ELAPOR2: variants seen among roughly 807,000 people sequenced by gnomAD.
ELAPOR2 encodes endosome-lysosome associated apoptosis and autophagy regulator family member 2.
Under a neutral mutation model 120.7 loss-of-function variants are expected in ELAPOR2, and 89 were observed. The observed-to-expected ratio is 0.74, with a 90% CI of 0.62 to 0.88. The LOEUF is 0.88. Ranked by LOEUF, ELAPOR2 falls within the 40% of genes least tolerant of loss-of-function variation. The pLI, the probability that ELAPOR2 is intolerant of heterozygous loss-of-function variation, is 0.00. For missense variants in ELAPOR2, 1,134 were observed against 1,251.6 expected (o/e 0.91, Z 1.42); for synonymous variants, 444 against 444.9 (o/e 1.00, Z 0.03).
intron 1 of ELAPOR2, among the ~76,000 whole-genome samples, chr7:87,018,684 C>T (rs1031104836): frequency 6.6e-6 from 1 of 152,164 alleles, no homozygotes; most frequent in Non-Finnish European, 1.5e-5. Flanking sequence ...AGAGAAACTA[C>T]ATGAATGAGT....
At chr7:86,926,264 C>T (rs1334462043) in intron 9 of ELAPOR2, among the ~76,000 whole-genome samples, 3 of 152,034 alleles carry the variant, frequency 2.0e-5, no homozygotes, top group African/African-American at 4.8e-5. Context: ...GTAGCCACTT[C>T]GCATCATCAC....
intron 1 of ELAPOR2, among the ~76,000 whole-genome samples, chr7:87,039,951 C>G (rs1415913447): frequency 2.0e-5 from 3 of 152,158 alleles, no homozygotes; most frequent in Non-Finnish European, 4.4e-5. Context: ...GGCATTGCCT[C>G]ACTCGGGAAG....
chr7:86,939,176 T>C (rs1003152404), intron 6 of ELAPOR2, among the ~76,000 whole-genome samples: 2 of 152,114 alleles, frequency 1.3e-5, no homozygotes, highest in Admixed American at 6.6e-5. Context: ...GAAGATTTCA[T>C]AGAGGTATAA....
chr7:87,035,829 AT>A, intron 1 of ELAPOR2, among the ~76,000 whole-genome samples: 1 of 152,352 alleles, frequency 6.6e-6, no homozygotes, highest in Non-Finnish European at 1.5e-5. Flanking sequence ...AACAGTCTAC[AT>A]TTAAATCAAT....
chr7:86,945,502 T>C (rs1406345283), intron 3 of ELAPOR2, among the ~76,000 whole-genome samples: 3 of 152,232 alleles, frequency 2.0e-5, no homozygotes, highest in Admixed American at 1.3e-4. Context: ...TCATGTGAAA[T>C]GAACTTGTCA....
intron 2 of ELAPOR2, among the ~76,000 whole-genome samples, chr7:86,962,206 A>G (rs1444524830): frequency 6.6e-6 from 1 of 152,126 alleles, no homozygotes; most frequent in Admixed American, 6.6e-5. Flanking sequence ...AAAATTTCCA[A>G]CTGCTTCATA....
At chr7:86,992,895 T>C (rs574136900) in intron 1 of ELAPOR2, among the ~76,000 whole-genome samples, 1 of 152,264 alleles carries the variant, frequency 6.6e-6, no homozygotes, top group South Asian at 2.1e-4. Flanking sequence ...TCCTCTATCA[T>C]CTTAAAAAAT....
intron 6 of ELAPOR2, 152 bp from the exon 7 acceptor site, chr7:86,939,112 G>A (rs868206704): frequency 1.3e-6 from 1 of 757,534 alleles, no homozygotes; most frequent in East Asian, 2.7e-5. Flanking sequence ...CACTAAGAAA[G>A]CATTTATTGT....
At chr7:87,034,267 A>G (rs4727138) in intron 1 of ELAPOR2, among the ~76,000 whole-genome samples, 65,860 of 151,766 alleles carry the variant, frequency 0.43, 16,880 homozygotes, top group African/African-American at 0.72. Context: ...GCGGCGGTTC[A>G]AGCTTACCAA....
chr7:86,983,614 T>A (rs1321774086), intron 1 of ELAPOR2, among the ~76,000 whole-genome samples: 1 of 152,038 alleles, frequency 6.6e-6, no homozygotes, highest in African/African-American at 2.4e-5. Context: ...AGAAATAAAA[T>A]CCTTTAAAGA....
intron 1 of ELAPOR2, among the ~76,000 whole-genome samples, chr7:86,996,447 A>C (rs922128981): frequency 1.3e-5 from 2 of 152,250 alleles, no homozygotes; most frequent in East Asian, 3.8e-4. Flanking sequence ...TTTGAGGAAC[A>C]AAATGGCAGC....
At chr7:86,922,413 A>C (rs1789872434) in intron 10 of ELAPOR2, among the ~76,000 whole-genome samples, 1 of 151,718 alleles carries the variant, frequency 6.6e-6, no homozygotes, top group African/African-American at 2.4e-5. Flanking sequence ...AAAAATTTTA[A>C]ATTTTAAAGA....
chr7:86,990,571 A>G (rs938861057), intron 1 of ELAPOR2, among the ~76,000 whole-genome samples: 4 of 152,194 alleles, frequency 2.6e-5, no homozygotes, highest in Admixed American at 6.5e-5. Flanking sequence ...AAAATGAACT[A>G]AAAGAGTTCA....
intron 16 of ELAPOR2, among the ~76,000 whole-genome samples, chr7:86,909,030 A>G (rs1322109717): frequency 6.6e-6 from 1 of 151,986 alleles, no homozygotes; most frequent in Admixed American, 6.6e-5. Context: ...AGTAAGCAGA[A>G]AACTAAGGCT....
chr7:86,913,097 C>T lies in ELAPOR2; in HGVS notation c.1839G>A (p.Gln613=), dbSNP rs371845138. Residue 613 remains glutamine, a synonymous_variant, in exon 14 of 22, where the codon CAG becomes CAA. Coordinates refer to ENST00000450689, the MANE Select transcript of ELAPOR2 (RefSeq NM_001142749.3). The part of the protein sequence containing the change: ...SCRACALGSE[Q]SGSSCVPCPP... ...GGCAGGGGACACACGATGAACCCGACTGTTCAGAACCGAGGGCACAGGCAC... is the reference window on the plus strand; with the variant it reads ...GGCAGGGGACACACGATGAACCCGATTGTTCAGAACCGAGGGCACAGGCAC... 1.1e-5 allele frequency: 17 copies of T among 1,613,936 alleles called. No individual in the cohort carries two copies. Among genetic ancestry groups the T allele is most frequent in the Admixed American group, 6.7e-5 (4 of 59,982 alleles).
intron 1 of ELAPOR2, among the ~76,000 whole-genome samples, chr7:86,973,597 C>T (rs1011151558): frequency 2.0e-5 from 3 of 152,170 alleles, no homozygotes; most frequent in African/African-American, 4.8e-5. Context: ...CCCCAGCCTG[C>T]ACATCCAACT....
intron 1 of ELAPOR2, among the ~76,000 whole-genome samples, chr7:86,982,152 C>A (rs535659686): frequency 6.6e-6 from 1 of 152,340 alleles, no homozygotes; most frequent in South Asian, 2.1e-4. Flanking sequence ...AACAAAGTGG[C>A]CAGGGAAGCT....
intron 1 of ELAPOR2, among the ~76,000 whole-genome samples, chr7:86,999,918 C>T (rs980482363): frequency 6.6e-6 from 1 of 152,000 alleles, no homozygotes; most frequent in South Asian, 2.1e-4. Flanking sequence ...AGACTAATTT[C>T]GGGTCTAAAT....
In ELAPOR2 at chr7:86,925,508, T is replaced by C. The variant is rs1370882535; in HGVS notation, c.1399+20A>G. 6.2e-7 allele frequency: 1 copy of C among 1,609,874 alleles called. No homozygotes were observed. On this transcript the variant is annotated intron_variant, in intron 10 of 21. Transcript: ENST00000450689. The stretch of plus-strand genomic sequence containing the variant: ...GTCTCTATTGCTGAAATACATCAAG[T>C]AGGCTGATTTTGAACTTACCATTCA...
Sources: gnomAD v4.1 joint callset for allele counts (sites outside exome capture counted in the v4.1 genomes callset) on GRCh38, gnomAD v4.1.1 for gene constraint, MANE v1.5 for transcripts, NCBI Gene and HGNC (gene_info 2026-07-23, HGNC 2026-07-21) for gene names.